Variants in CHD1L observed in about 807,000 individuals in gnomAD.
The protein encoded by CHD1L is ATP-dependent chromatin remodeler CHD1L.
Under a neutral mutation model 115.9 loss-of-function variants are expected in CHD1L, and 118 were observed. That is an observed-to-expected ratio of 1.02 (90% CI 0.88 to 1.19). CHD1L has a LOEUF of 1.19. CHD1L is among the 50% of genes most tolerant of loss of function. CHD1L has a pLI of 0.00. For synonymous variants in CHD1L, 411 were observed against 387.1 expected, an observed-to-expected ratio of 1.06 and a Z score of -0.72; for missense variants, 1,179 against 1,065.3, an observed-to-expected ratio of 1.11 and a Z score of -1.49.
chr1:147,292,518 T>C (rs587642575), intron 20 of CHD1L, among the ~76,000 whole-genome samples: 1 of 152,310 alleles, frequency 6.6e-6, no homozygotes, highest in Admixed American at 6.5e-5. Flanking sequence ...GTGACTGTGT[T>C]AGGCTGTTTT....
chr1:147,227,653 T>C, the CHD1L span, among the ~76,000 whole-genome samples: 14 of 152,342 alleles, frequency 9.2e-5, no homozygotes, highest in Non-Finnish European at 1.9e-4. Context: ...CAGTTACTCA[T>C]GCTATTACTA....
At chr1:147,201,493 T>A in the CHD1L span, 1 of 1,612,876 alleles carries the variant, frequency 6.2e-7, no homozygotes, top group Admixed American at 1.7e-5. Context: ...GGTTGGATGC[T>A]GACTCAGAGC....
chr1:147,205,442 C>CA, the CHD1L span, among the ~76,000 whole-genome samples: 2 of 152,118 alleles, frequency 1.3e-5, no homozygotes, highest in East Asian at 3.9e-4. Flanking sequence ...GTATATGTGT[C>CA]AAAAACATTT....
rs933575145 is a variant in CHD1L, at chr1:147,275,261, A to G, written c.1271-93A>G. 3.5e-6 allele frequency: 3 copies of G among 862,248 alleles called. No homozygotes were observed. In the Admixed American group the frequency reaches 5.4e-5, roughly 16 times the overall value. 53.4% of individuals were successfully genotyped at this position (862,248 alleles called of 1,614,324 possible). ...GAAGCCAATTGTTTTGACTGATTTC[A>G]GTTTATCAGTCTGACCCACTCTAGC... On this transcript the variant is annotated intron_variant, in intron 12 of 22. Coordinates refer to ENST00000369258, the MANE Select transcript of CHD1L (RefSeq NM_004284.6).
chr1:147,186,445 A>T, the CHD1L span: 1 of 919,518 alleles, frequency 1.1e-6, no homozygotes. Context: ...CTCAGGAAAC[A>T]TATTTAGTTA....
In CHD1L at chr1:147,267,745, G is replaced by C. The variant is rs148042427; in HGVS notation, c.988+227G>C. On this transcript the variant is annotated intron_variant, in intron 9 of 22. Coordinates refer to ENST00000369258, the MANE Select transcript of CHD1L (RefSeq NM_004284.6). ...CTTTTTTTGTTAAATCCACGATCCA[G>C]TCCTAGATCCTGCAGACCCTGCATT... Among the ~76,000 whole-genome samples the C allele has an allele frequency of 2.0e-4, 30 of 152,124 alleles. No individual in the cohort carries two copies. In the East Asian group the frequency reaches 5.8e-3, roughly 29 times the overall value.
chr1:147,286,625 G>T, intron 18 of CHD1L, 125 bp downstream of exon 18: 1 of 801,842 alleles, frequency 1.2e-6, no homozygotes, highest in Non-Finnish European at 2.0e-6. Flanking sequence ...AAAAAAGTGT[G>T]AATTTTAGAG....
the CHD1L span, among the ~76,000 whole-genome samples, chr1:147,213,746 G>T: frequency 3.9e-5 from 6 of 152,102 alleles, no homozygotes; most frequent in Admixed American, 2.6e-4. Flanking sequence ...AGGTCCTAAG[G>T]CACTGTAACA....
intron 6 of CHD1L, among the ~76,000 whole-genome samples, chr1:147,261,959 G>T (rs587678393): frequency 2.8e-4 from 43 of 152,234 alleles, no homozygotes; most frequent in Admixed American, 2.4e-3. Flanking sequence ...ACTTTGGGAG[G>T]CTGAGATGGG....
At chr1:147,267,541 C>G (rs1559796706) in intron 9 of CHD1L, 23 bp downstream of exon 9, 5 of 1,567,094 alleles carry the variant, frequency 3.2e-6, no homozygotes, top group Non-Finnish European at 3.5e-6. Flanking sequence ...CTTTTCCCCC[C>G]ACATTATTCT....
chr1:147,240,574 A>G (rs1204754244), upstream of CHD1L, among the ~76,000 whole-genome samples: 1 of 152,160 alleles, frequency 6.6e-6, no homozygotes, highest in South Asian at 2.1e-4. Flanking sequence ...TGCAGTTGAG[A>G]TAAGAGGAAG....
rs1553931874 is a variant in CHD1L at position 147,242,774 on chromosome 1, G to A, written c.71G>A (p.Gly24Asp). ...PGFLLRLHTE[G>D]RAEAARVQEQ... ...TTCTTACTGCGGCTTCATACTGAGG[G>A]CCGAGCCGAGGCGGCGCGGGTGCAG... Residue 24 changes from glycine (G) to aspartate (D), a missense_variant, in exon 1 of 23, where the codon GGC becomes GAC. Coordinates refer to ENST00000369258, the MANE Select transcript of CHD1L (RefSeq NM_004284.6). The A allele has an allele frequency of 7.9e-7, 1 of 1,270,060 alleles. No individual in the cohort carries two copies. Among genetic ancestry groups the A allele is most frequent in the Non-Finnish European group, 1.0e-6 (1 of 1,000,782 alleles). 78.7% of individuals were successfully genotyped at this position (1,270,060 alleles called of 1,614,324 possible). A position where few individuals can be genotyped will look rare whatever the true frequency, so the allele number is the denominator to read the frequency against.
the CHD1L span, among the ~76,000 whole-genome samples, chr1:147,186,014 G>C: frequency 1.3e-5 from 2 of 152,152 alleles, no homozygotes; most frequent in Admixed American, 1.3e-4. Flanking sequence ...CTCCATGTAA[G>C]GGAGGAGAAA....
intron 12 of CHD1L, 52 bp downstream of exon 12, chr1:147,272,333 C>T (rs782482097): frequency 3.3e-6 from 4 of 1,210,768 alleles, no homozygotes; most frequent in African/African-American, 3.0e-5. Flanking sequence ...TAATAGAGTA[C>T]TATTACATCC....
intron 1 of CHD1L, among the ~76,000 whole-genome samples, chr1:147,244,238 T>A (rs376553975): frequency 2.0e-4 from 31 of 152,326 alleles, no homozygotes; most frequent in African/African-American, 7.0e-4. Flanking sequence ...TATGGGCAAG[T>A]GTTTTAGTGA....
chr1:147,184,806 A>G, the CHD1L span, among the ~76,000 whole-genome samples: 5 of 151,952 alleles, frequency 3.3e-5, no homozygotes, highest in Non-Finnish European at 7.4e-5. The surrounding 1 kb of genome is among the most constrained non-coding windows in gnomAD (Gnocchi z 4.4). Context: ...CCCCCTTTCC[A>G]TATGTAATTT....
intron 6 of CHD1L, among the ~76,000 whole-genome samples, chr1:147,262,260 T>C (rs782396060): frequency 6.6e-6 from 1 of 151,512 alleles, no homozygotes; most frequent in Non-Finnish European, 1.5e-5. Context: ...GGTTGTACAA[T>C]TTATGCGACA....
the CHD1L span, among the ~76,000 whole-genome samples, chr1:147,190,406 C>T: frequency 6.6e-6 from 1 of 152,176 alleles, no homozygotes; most frequent in Non-Finnish European, 1.5e-5. Flanking sequence ...ACCACCACCA[C>T]AATATAATAT....
At chr1:147,205,686 A>G in the CHD1L span, among the ~76,000 whole-genome samples, 1 of 152,208 alleles carries the variant, frequency 6.6e-6, no homozygotes, top group Non-Finnish European at 1.5e-5. Flanking sequence ...TATTTAACAA[A>G]TGGTGCTGGG....
Sources: gnomAD v4.1 joint callset for allele counts (sites outside exome capture counted in the v4.1 genomes callset) on GRCh38, gnomAD v4.1.1 for gene constraint, Gnocchi (gnomAD v3.1) non-coding constraint, MANE v1.5 for transcripts, NCBI Gene and HGNC (gene_info 2026-07-23, HGNC 2026-07-21) for gene names.